Variants in SRSF7 observed in about 807,000 individuals in gnomAD.
The protein encoded by SRSF7 is serine and arginine rich splicing factor 7, also known as serine/arginine-rich splicing factor 7.
In SRSF7, 15 loss-of-function variants were observed where a neutral mutation model predicts 42.2. The ratio of observed to expected loss-of-function variants is 0.36; its 90% CI spans 0.24 to 0.55. The LOEUF is 0.55. Ranked by LOEUF, SRSF7 falls within the 20% of genes least tolerant of loss-of-function variation. SRSF7 has a pLI of 0.88. For synonymous variants in SRSF7, 138 were observed against 107.9 expected, an observed-to-expected ratio of 1.28 and a Z score of -1.73; for missense variants, 181 against 305.9, an observed-to-expected ratio of 0.59 and a Z score of 3.04.
In SRSF7 at chr2:38,748,145, T is replaced by C; in HGVS notation, c.474A>G (p.Ala158=). 6.2e-7 allele frequency: 1 copy of C among 1,612,706 alleles called. No individual in the cohort carries two copies. The highest frequency in any genetic ancestry group is 1.3e-5 in the African/African-American group (1 of 74,944). Reference sequence around the variant, plus strand: ...AGATAGATCTTGATCGTCGAGGAGATGCTGACCTTGACCTAAAATAAAGAA... The same window carrying C: ...AGATAGATCTTGATCGTCGAGGAGACGCTGACCTTGACCTAAAATAAAGAA... ...SRSRGRRSRS[A]SPRRSRSISL... is the part of the protein sequence containing the mutation. The change falls in exon 5 of 8, where the codon GCA becomes GCG. Residue 158 remains alanine, a synonymous_variant. Coordinates refer to ENST00000313117, the MANE Select transcript of SRSF7 (RefSeq NM_001031684.3).
intron 3 of SRSF7, 104 bp downstream of exon 3, chr2:38,749,425 C>A (rs1211963696): frequency 1.3e-6 from 2 of 1,562,790 alleles, no homozygotes; most frequent in African/African-American, 2.8e-5. Flanking sequence ...TACACCTGTA[C>A]AATTAACATT....
At position 38,748,669 on chromosome 2, in the gene SRSF7, G is replaced by C; in HGVS notation, c.387-16C>G. On this transcript the variant is annotated splice_polypyrimidine_tract_variant and intron_variant, in intron 3 of 7. Coordinates refer to ENST00000313117, the MANE Select transcript of SRSF7 (RefSeq NM_001031684.3). ...AGACCGTGACCTATTTTTCAAGTTAGAGAAAAAACAAAATGTCAGACAATA... is the reference window on the plus strand; with the variant it reads ...AGACCGTGACCTATTTTTCAAGTTACAGAAAAAACAAAATGTCAGACAATA... 8 of 1,612,428 alleles carry C rather than the reference G, an allele frequency of 5.0e-6. No homozygotes were observed. Among genetic ancestry groups the C allele is most frequent in the Non-Finnish European group, 6.8e-6 (8 of 1,178,822 alleles).
intron 7 of SRSF7, among the ~76,000 whole-genome samples, chr2:38,745,469 C>G (rs993435229): frequency 6.6e-6 from 1 of 152,006 alleles, no homozygotes; most frequent in Non-Finnish European, 1.5e-5. Flanking sequence ...ACCTCGCCAA[C>G]ATGGTGAAAC....
At chr2:38,746,240 C>A (rs760179597) in intron 6 of SRSF7, 61 bp from the exon 7 acceptor site, 4 of 1,575,130 alleles carry the variant, frequency 2.5e-6, no homozygotes, top group Non-Finnish European at 3.5e-6. Context: ...TTCTTGTAGT[C>A]ACCAATACCG....
rs776448267 is a variant in SRSF7, at chr2:38,745,192, A to G, written c.663-5T>C. 2 of 1,614,160 alleles carry G rather than the reference A, an allele frequency of 1.2e-6. No homozygotes were observed. The highest frequency in any genetic ancestry group is 8.5e-7 in the Non-Finnish European group (1 of 1,179,992). ...GGACTTCCTGATGGGGAACGACTAA[A>G]AAGAAAAACATTAGGTTTGGATCCA... is the stretch of plus-strand genomic sequence containing the variant. On this transcript the variant is annotated splice_polypyrimidine_tract_variant and splice_region_variant and intron_variant, in intron 7 of 7. Transcript: ENST00000313117.
chr2:38,745,841 C>T (rs1667307310), intron 7 of SRSF7, among the ~76,000 whole-genome samples: 1 of 152,150 alleles, frequency 6.6e-6, no homozygotes, highest in Non-Finnish European at 1.5e-5. Context: ...TTTCTCCACA[C>T]TTTGTATCTA....
Position 38,751,322 on chromosome 2 carries a change from G to C in SRSF7, c.-66C>G. 2.5e-6 allele frequency: 4 copies of C among 1,608,878 alleles called. No individual in the cohort carries two copies. Among genetic ancestry groups the C allele is most frequent in the Admixed American group, 1.7e-5 (1 of 59,954 alleles). ...CCAGGGCTCGAGTGACGCAAAAGCT[G>C]ACACACACCTTCACCCGCCAAGAGT... On this transcript the variant is annotated 5_prime_UTR_variant, in exon 1 of 8. Transcript: ENST00000313117.
In SRSF7 at chr2:38,744,163, G is replaced by A; in HGVS notation, c.*970C>T. On this transcript the variant is annotated 3_prime_UTR_variant, in exon 8 of 8. Coordinates refer to ENST00000313117, the MANE Select transcript of SRSF7 (RefSeq NM_001031684.3). Reference sequence around the variant, plus strand: ...TGACATCTTTAATTACTTTGCACCAGCCTGGCAAAATAGAAGAATGTTGTG... The same window carrying A: ...TGACATCTTTAATTACTTTGCACCAACCTGGCAAAATAGAAGAATGTTGTG... 1 of 152,564 alleles carries A rather than the reference G, an allele frequency of 6.6e-6. No homozygotes were observed. Among genetic ancestry groups the A allele is most frequent in the Non-Finnish European group, 1.5e-5 (1 of 68,042 alleles). The allele number at this position is 152,564 out of a possible 1,614,324, so 9.5% of individuals were successfully genotyped here. A position where few individuals can be genotyped will look rare whatever the true frequency, so the allele number is the denominator to read the frequency against.
chr2:38,745,507 T>C (rs759295262), intron 7 of SRSF7, among the ~76,000 whole-genome samples: 2 of 152,028 alleles, frequency 1.3e-5, no homozygotes, highest in African/African-American at 4.8e-5. Context: ...TACAAAAAAT[T>C]AGCCAGGCTT....
chr2:38,747,980 C>T, intron 5 of SRSF7, 67 bp downstream of exon 5: 2 of 1,191,126 alleles, frequency 1.7e-6, no homozygotes, highest in Non-Finnish European at 2.4e-6. Context: ...GAATTATGTC[C>T]TTAAGACACT....
chr2:38,746,548 T>A lies in SRSF7; in HGVS notation c.626+146A>T, dbSNP rs766655640. On this transcript the variant is annotated intron_variant, in intron 6 of 7. Coordinates refer to ENST00000313117, the MANE Select transcript of SRSF7 (RefSeq NM_001031684.3). ...TCAGGGAAAGTCAGCCAGTAATAAA[T>A]AGGACATACACAAATAAGGTACTGT... 2.5e-6 allele frequency: 3 copies of A among 1,208,982 alleles called. No homozygotes were observed. The African/African-American group carries it at 4.6e-5, about 18-fold the overall frequency. 74.9% of individuals were successfully genotyped at this position (1,208,982 alleles called of 1,614,324 possible).
At chr2:38,751,368 G>C (rs974119810), upstream of SRSF7, 13 of 1,476,262 alleles carry the variant, frequency 8.8e-6, no homozygotes, top group East Asian at 1.8e-4. Context: ...CTACGAGGAA[G>C]AGCCCGGGTT....
At chr2:38,746,200 C>A in intron 6 of SRSF7, 21 bp from the exon 7 acceptor site, 2 of 1,613,790 alleles carry the variant, frequency 1.2e-6, no homozygotes, top group Non-Finnish European at 1.7e-6. Flanking sequence ...ATGAGAAATT[C>A]TATTAAAGAA....
Position 38,744,525 on chromosome 2 carries a change from AGTTTC to A in SRSF7, c.*603_*607del. ...GTTTCTATTTCTCATACATTTAATC[AGTTTC>A]GTTTAGTTCCTGTCATGCTCATTTA... On this transcript the variant is annotated 3_prime_UTR_variant, in exon 8 of 8. Transcript: ENST00000313117. 1 of 152,152 alleles carries A rather than the reference AGTTTC, an allele frequency of 6.6e-6. No individual in the cohort carries two copies. Among genetic ancestry groups the A allele is most frequent in the African/African-American group, 2.4e-5 (1 of 41,384 alleles). 9.4% of individuals were successfully genotyped at this position (152,152 alleles called of 1,614,324 possible).
intron 5 of SRSF7, 29 bp from the exon 6 acceptor site, chr2:38,746,776 A>G (rs779502840): frequency 5.0e-6 from 8 of 1,612,680 alleles, no homozygotes; most frequent in East Asian, 2.2e-5. Context: ...AAACACAATT[A>G]TATCAATCAG....
At chr2:38,746,991 C>A in intron 5 of SRSF7, 1 of 676,902 alleles carries the variant, frequency 1.5e-6, no homozygotes. Flanking sequence ...CATTCTCAAA[C>A]ACTGTGTAAT....
In SRSF7 at chr2:38,749,995, T is replaced by C. The variant is rs1668045074; in HGVS notation, c.209+19A>G. On this transcript the variant is annotated intron_variant, in intron 2 of 7. Coordinates refer to ENST00000313117, the MANE Select transcript of SRSF7 (RefSeq NM_001031684.3). ...ACAGTATATTTTAATGAACAGAAGA[T>C]TCATAACATCTTACTTACTTTCCAT... 3.1e-6 allele frequency: 5 copies of C among 1,594,800 alleles called. No individual in the cohort carries two copies. The highest frequency in any genetic ancestry group is 1.7e-4 in the Middle Eastern group (1 of 5,968).
At chr2:38,747,230 C>G (rs1279571626) in intron 5 of SRSF7, 2 of 359,176 alleles carry the variant, frequency 5.6e-6, no homozygotes, top group Non-Finnish European at 1.2e-5. Flanking sequence ...AGGCTTTATT[C>G]CTGGATCAAG....
chr2:38,745,015 G>C lies in SRSF7; in HGVS notation c.*118C>G. The C allele has an allele frequency of 1.0e-6, 1 of 982,754 alleles. No homozygotes were observed. The highest frequency in any genetic ancestry group is 1.5e-6 in the Non-Finnish European group (1 of 653,578). The allele number at this position is 982,754 out of a possible 1,614,324, so 60.9% of individuals were successfully genotyped here. On this transcript the variant is annotated 3_prime_UTR_variant, in exon 8 of 8. Transcript: ENST00000313117. ...TGCTGTGAATTTACATAGTAATCCA[G>C]ATCCATTTTGATTAGATGGTTGAAT...
Sources: gnomAD v4.1 joint callset for allele counts (sites outside exome capture counted in the v4.1 genomes callset) on GRCh38, gnomAD v4.1.1 for gene constraint, MANE v1.5 for transcripts, NCBI Gene and HGNC (gene_info 2026-07-23, HGNC 2026-07-21) for gene names.